PDE4D: variants seen among roughly 807,000 people sequenced by gnomAD.
PDE4D encodes phosphodiesterase 4D.
PDE4D carries 24 observed loss-of-function variants against 87.4 expected under a neutral mutation model. That is an observed-to-expected ratio of 0.27 (90% CI 0.20 to 0.39). The LOEUF (loss-of-function observed/expected upper bound fraction) is 0.39, where lower values mean the gene tolerates loss of function less well. Among genes scored for constraint, PDE4D ranks in the 10% least tolerant of loss-of-function variants. The pLI is 1.00. For synonymous variants in PDE4D, 384 were observed against 383.2 expected, an observed-to-expected ratio of 1.00 and a Z score of -0.02; for missense variants, 714 against 1,041.0, an observed-to-expected ratio of 0.69 and a Z score of 4.32.
At position 60,099,785 on chromosome 5, in the gene PDE4D, A is replaced by G. The variant is rs1007978170; in HGVS notation, c.42+85772T>C. ...CACTTTCAGACTTTGCTGTAGGATT[A>G]TAAAATGGTGTAACTACTATAAAGG... On this transcript the variant is annotated intron_variant, in intron 2 of 16. Transcript: ENST00000502484. Among the ~76,000 whole-genome samples, 12 of 152,158 alleles carry G rather than the reference A, an allele frequency of 7.9e-5. No homozygotes were observed. The East Asian group carries it at 2.3e-3, about 29-fold the overall frequency.
intron 1 of PDE4D, among the ~76,000 whole-genome samples, chr5:59,486,768 G>A (rs1805229321): frequency 1.3e-5 from 2 of 152,126 alleles, no homozygotes. Flanking sequence ...GTACATAGGA[G>A]ACATGGCCTA....
intron 1 of PDE4D, among the ~76,000 whole-genome samples, chr5:60,318,573 C>T (rs909388761): frequency 6.6e-6 from 1 of 152,112 alleles, no homozygotes; most frequent in African/African-American, 2.4e-5. Context: ...CAGTTTCTTC[C>T]TAGCCTTGAT....
chr5:59,469,735 G>T (rs1020465576), intron 1 of PDE4D, among the ~76,000 whole-genome samples: 1 of 152,192 alleles, frequency 6.6e-6, no homozygotes, highest in African/African-American at 2.4e-5. Flanking sequence ...AGTCCCAAAA[G>T]AATATGGGAC....
intron 1 of PDE4D, among the ~76,000 whole-genome samples, chr5:59,741,853 T>C (rs1310382481): frequency 6.6e-6 from 1 of 152,190 alleles, no homozygotes; most frequent in Non-Finnish European, 1.5e-5. Context: ...GGTAAACTTC[T>C]AGTAGTCTCT....
chr5:60,265,848 A>C (rs1750151167), intron 1 of PDE4D, among the ~76,000 whole-genome samples: 1 of 152,160 alleles, frequency 6.6e-6, no homozygotes, highest in Admixed American at 6.5e-5. Context: ...GAGCAAGGTG[A>C]TTCTTTGAAG....
chr5:60,248,557 C>T (rs1748056036), intron 1 of PDE4D, among the ~76,000 whole-genome samples: 1 of 152,046 alleles, frequency 6.6e-6, no homozygotes, highest in Non-Finnish European at 1.5e-5. Context: ...GAGATGACTG[C>T]TTTCATGCAA....
chr5:60,104,356 G>A (rs1776610332), intron 2 of PDE4D, among the ~76,000 whole-genome samples: 1 of 152,260 alleles, frequency 6.6e-6, no homozygotes, highest in African/African-American at 2.4e-5. Context: ...AAAGCAGCCA[G>A]GAAGCTCAAA....
At chr5:59,035,690 T>C (rs764887561) in intron 6 of PDE4D, among the ~76,000 whole-genome samples, 3 of 152,184 alleles carry the variant, frequency 2.0e-5, no homozygotes, top group Non-Finnish European at 4.4e-5. Context: ...CTAAAAAAAA[T>C]TGAAGTCATT....
intron 1 of PDE4D, among the ~76,000 whole-genome samples, chr5:59,527,305 G>A (rs1299142973): frequency 2.0e-5 from 3 of 152,062 alleles, no homozygotes; most frequent in Non-Finnish European, 4.4e-5. Flanking sequence ...CTTTTTATAA[G>A]ATCCTTTTTT....
intron 3 of PDE4D, among the ~76,000 whole-genome samples, chr5:59,908,795 A>T (rs1753125414): frequency 6.6e-6 from 1 of 152,230 alleles, no homozygotes; most frequent in African/African-American, 2.4e-5. Context: ...GGTAATGATT[A>T]AAGAAATCCA....
rs559580747 is a variant in PDE4D, at chr5:59,524,091, G to A, written c.456-308123C>T. On this transcript the variant is annotated intron_variant, in intron 1 of 14. Transcript: ENST00000340635. ...AGTCAGTTGGTACTGAGAGTAGTGTGGCACTACTGCAGATACCTGAAAATG... is the reference window on the plus strand; with the variant it reads ...AGTCAGTTGGTACTGAGAGTAGTGTAGCACTACTGCAGATACCTGAAAATG... Among the ~76,000 whole-genome samples the A allele has an allele frequency of 3.3e-4, 51 of 152,266 alleles. 1 individual carries two copies. Among genetic ancestry groups the A allele is most frequent in the South Asian group, 1.0e-3 (5 of 4,828 alleles).
At chr5:60,288,173 T>C (rs1752585740) in intron 1 of PDE4D, among the ~76,000 whole-genome samples, 1 of 152,218 alleles carries the variant, frequency 6.6e-6, no homozygotes, top group Non-Finnish European at 1.5e-5. Flanking sequence ...CAAGCATTTT[T>C]CCCCCTCAAA....
intron 1 of PDE4D, among the ~76,000 whole-genome samples, chr5:59,514,398 C>T (rs2153670153): frequency 6.6e-6 from 1 of 152,292 alleles, no homozygotes; most frequent in East Asian, 1.9e-4. Context: ...AGCCACCGCA[C>T]CCGGCCTTCA....
chr5:60,059,022 C>A (rs1299286598), intron 2 of PDE4D, among the ~76,000 whole-genome samples: 1 of 119,996 alleles, frequency 8.3e-6, no homozygotes, highest in African/African-American at 3.0e-5. Context: ...TTCTATCTAT[C>A]TTTTTTGGCA....
intron 1 of PDE4D, among the ~76,000 whole-genome samples, chr5:60,403,478 A>G (rs1209940683): frequency 6.6e-6 from 1 of 152,208 alleles, no homozygotes; most frequent in Non-Finnish European, 1.5e-5. Flanking sequence ...TGAGTGTCCA[A>G]TATATACAAG....
rs1241228387 is a variant in PDE4D, at chr5:59,453,598, C to A, written c.456-237630G>T. Among the ~76,000 whole-genome samples the A allele has an allele frequency of 7.9e-5, 12 of 152,300 alleles. No individual in the cohort carries two copies. In the South Asian group the frequency reaches 2.5e-3, roughly 32 times the overall value. ...TCTGGATAGAAGATCAAACCAGCCA[C>A]AACATTCCCTTAAGAAAAGCCTAAT... On this transcript the variant is annotated intron_variant, in intron 1 of 14. Transcript: ENST00000340635.
chr5:59,038,767 CAATT>C (rs915089698), intron 6 of PDE4D, 88 bp downstream of exon 6: 29 of 1,244,176 alleles, frequency 2.3e-5, no homozygotes, highest in Non-Finnish European at 3.1e-5. Context: ...AAAAACCTCT[CAATT>C]TATTTCCCGG....
chr5:60,064,575 A>G (rs1771843340), intron 2 of PDE4D, among the ~76,000 whole-genome samples: 1 of 152,152 alleles, frequency 6.6e-6, no homozygotes. Flanking sequence ...TTTTCTGATT[A>G]AAAACTTCAA....
chr5:59,053,483 A>C (rs1285725065), intron 5 of PDE4D, among the ~76,000 whole-genome samples: 1 of 151,906 alleles, frequency 6.6e-6, no homozygotes, highest in African/African-American at 2.4e-5. Context: ...AGACAAAAAT[A>C]TGTGTAGCAA....
Sources: allele counts gnomAD v4.1 joint callset (sites outside exome capture counted in the v4.1 genomes callset), GRCh38; gene constraint gnomAD v4.1.1; transcripts MANE v1.5; gene names NCBI Gene and HGNC (gene_info 2026-07-23, HGNC 2026-07-21).